Variants in VPS53 observed in about 807,000 individuals in gnomAD.
VPS53 encodes the protein VPS53 subunit of GARP complex, also known as vacuolar protein sorting-associated protein 53 homolog.
A neutral mutation model predicts 107.0 loss-of-function variants in VPS53; 70 were observed. The ratio of observed to expected loss-of-function variants is 0.65; its 90% CI spans 0.54 to 0.80. VPS53 has a LOEUF of 0.80. Ranked by LOEUF, VPS53 falls within the 30% of genes least tolerant of loss-of-function variation. VPS53 has a pLI of 0.00. For missense variants in VPS53, 917 were observed against 1,049.4 expected, an observed-to-expected ratio of 0.87 and a Z score of 1.74; for synonymous variants, 409 against 393.3, an observed-to-expected ratio of 1.04 and a Z score of -0.47.
chr17:599,765 A>T (rs9903683), intron 12 of VPS53, among the ~76,000 whole-genome samples: 35,672 of 105,234 alleles, frequency 0.34, 4,399 homozygotes, highest in Admixed American at 0.44. Context: ...TAAATAAATT[A>T]AAAAAAAAAA....
At chr17:631,752 T>A in intron 7 of VPS53, 124 bp from the exon 8 acceptor site, 2 of 769,714 alleles carry the variant, frequency 2.6e-6, no homozygotes, top group South Asian at 3.2e-5. Flanking sequence ...GAGACGTCCA[T>A]GAGGTGAGAG....
chr17:635,855 G>C (rs143019121), intron 7 of VPS53, among the ~76,000 whole-genome samples: 1 of 152,076 alleles, frequency 6.6e-6, no homozygotes, highest in Non-Finnish European at 1.5e-5. Flanking sequence ...TGTTCTTTTG[G>C]CTTAAGATTG....
chr17:621,623 C>CT (rs907094766), intron 11 of VPS53, among the ~76,000 whole-genome samples: 18 of 151,906 alleles, frequency 1.2e-4, no homozygotes, highest in African/African-American at 3.4e-4. Flanking sequence ...ATCCTGTTTT[C>CT]TTTTTTTTCA....
chr17:665,810 C>T (rs940874014), intron 4 of VPS53, among the ~76,000 whole-genome samples: 3 of 152,072 alleles, frequency 2.0e-5, no homozygotes, highest in Non-Finnish European at 4.4e-5. Context: ...TTCAAGACAG[C>T]CTGGCCAACA....
intron 4 of VPS53, among the ~76,000 whole-genome samples, chr17:663,282 A>G (rs976635835): frequency 6.6e-6 from 1 of 152,242 alleles, no homozygotes; most frequent in African/African-American, 2.4e-5. Context: ...CTACACAATG[A>G]AAGTATTACA....
intron 17 of VPS53, among the ~76,000 whole-genome samples, chr17:545,122 C>G (rs1156271652): frequency 2.0e-5 from 3 of 152,136 alleles, no homozygotes; most frequent in Non-Finnish European, 4.4e-5. Context: ...GAAACGTGGT[C>G]TAGAAGTTAA....
At chr17:653,482 A>ACG in intron 6 of VPS53, 72 bp from the exon 7 acceptor site, 1 of 1,600,502 alleles carries the variant, frequency 6.2e-7, no homozygotes, top group Non-Finnish European at 8.5e-7. Context: ...AGAACAACCC[A>ACG]CGCTAGCTCT....
At chr17:566,253 G>C (rs1198239956) in intron 13 of VPS53, among the ~76,000 whole-genome samples, 1 of 151,800 alleles carries the variant, frequency 6.6e-6, no homozygotes, top group Non-Finnish European at 1.5e-5. Context: ...TCCCATCCTG[G>C]GCCACGGTAG....
At chr17:568,726 A>T (rs564752490) in intron 13 of VPS53, among the ~76,000 whole-genome samples, 2 of 152,318 alleles carry the variant, frequency 1.3e-5, no homozygotes, top group Admixed American at 1.3e-4. Flanking sequence ...AAATATACTG[A>T]GCATGCTAGG....
chr17:670,780 C>T (rs1971901161), intron 4 of VPS53, among the ~76,000 whole-genome samples: 3 of 152,130 alleles, frequency 2.0e-5, no homozygotes, highest in South Asian at 2.1e-4. Context: ...GTTCATTTTC[C>T]GAAGAGCTGG....
chr17:687,012 C>T (rs777988725), intron 4 of VPS53, among the ~76,000 whole-genome samples: 16 of 152,002 alleles, frequency 1.1e-4, no homozygotes, highest in African/African-American at 1.7e-4. Context: ...TAGCTGGGCG[C>T]AGTGGCTCAC....
In VPS53 at chr17:519,598, TC is replaced by T. The variant is rs956991006; in HGVS notation, c.2328+227del. ...TCATCCCCCTGCCCCTGCCCCATCC[TC>T]CCTGTGCAGGTGGTCTCAGCGGGGC... On this transcript the variant is annotated intron_variant, in intron 21 of 21. Transcript: ENST00000437048. The surrounding 1 kb of genome is among the most constrained non-coding windows in gnomAD (Gnocchi z 5.0). Among the ~76,000 whole-genome samples, 1 of 152,148 alleles carries T rather than the reference TC, an allele frequency of 6.6e-6. No homozygotes were observed. Among genetic ancestry groups the T allele is most frequent in the African/African-American group, 2.4e-5 (1 of 41,420 alleles).
Position 628,236 on chromosome 17 carries a change from T to A in VPS53, c.688-5A>T. 1 of 1,613,180 alleles carries A rather than the reference T, an allele frequency of 6.2e-7. No homozygotes were observed. The highest frequency in any genetic ancestry group is 1.1e-5 in the South Asian group (1 of 90,782). On this transcript the variant is annotated splice_polypyrimidine_tract_variant and splice_region_variant and intron_variant, in intron 8 of 21. Transcript: ENST00000437048. ...ATTGCTGGGTCCTCCTGGTCTCTAGTAAAACAAACATGTACCAGGTGAAAA... is the reference window on the plus strand; with the variant it reads ...ATTGCTGGGTCCTCCTGGTCTCTAGAAAAACAAACATGTACCAGGTGAAAA...
At chr17:538,854 G>A (rs937134673) in intron 17 of VPS53, 2 of 152,224 alleles carry the variant, frequency 1.3e-5, no homozygotes, top group African/African-American at 4.8e-5. Context: ...ACATTCTAAT[G>A]CTTTGGTTAT....
At chr17:702,730 C>T (rs2143958394) in intron 2 of VPS53, among the ~76,000 whole-genome samples, 1 of 152,254 alleles carries the variant, frequency 6.6e-6, no homozygotes, top group South Asian at 2.1e-4. Flanking sequence ...GTCAGGTGGC[C>T]TTTGGGTGAC....
intron 4 of VPS53, among the ~76,000 whole-genome samples, chr17:687,936 A>G (rs1236156954): frequency 2.0e-5 from 3 of 152,182 alleles, no homozygotes; most frequent in Admixed American, 6.5e-5. Flanking sequence ...ATGCCATCCA[A>G]TGTTACATCA....
rs1454747358 is a variant in VPS53 at position 518,212 on chromosome 17, G to C, written c.*916C>G. On this transcript the variant is annotated 3_prime_UTR_variant, in exon 22 of 22. Transcript: ENST00000437048. ...ATATGCTGCCATTCTCTGGATGCAG[G>C]ATGACATGAGAGGTCGGGAGCAGTC... 6.8e-6 allele frequency: 1 copy of C among 146,688 alleles called. No homozygotes were observed. The highest frequency in any genetic ancestry group is 2.1e-4 in the East Asian group (1 of 4,712). 9.1% of individuals were successfully genotyped at this position (146,688 alleles called of 1,614,324 possible). A position where few individuals can be genotyped will look rare whatever the true frequency, so the allele number is the denominator to read the frequency against.
intron 7 of VPS53, among the ~76,000 whole-genome samples, chr17:631,911 G>C (rs534197934): frequency 1.3e-5 from 2 of 152,032 alleles, no homozygotes; most frequent in Admixed American, 1.3e-4. Context: ...TCCACTGGGG[G>C]ATAGTCATGC....
At chr17:534,071 C>G (rs1232445348) in intron 18 of VPS53, among the ~76,000 whole-genome samples, 1 of 152,182 alleles carries the variant, frequency 6.6e-6, no homozygotes. Context: ...AACTCCTGGC[C>G]TCAAGTGATC....
Sources: gnomAD v4.1 joint callset for allele counts (sites outside exome capture counted in the v4.1 genomes callset) on GRCh38, gnomAD v4.1.1 for gene constraint, Gnocchi (gnomAD v3.1) non-coding constraint, MANE v1.5 for transcripts, NCBI Gene and HGNC (gene_info 2026-07-23, HGNC 2026-07-21) for gene names.